Variants in TPCN2 observed in about 807,000 individuals in gnomAD.
TPCN2 encodes two pore channel protein 2.
Under a neutral mutation model 111.4 loss-of-function variants are expected in TPCN2, and 92 were observed. That is an observed-to-expected ratio of 0.83 (90% CI 0.70 to 0.98). The LOEUF (loss-of-function observed/expected upper bound fraction) is 0.98, where lower values mean the gene tolerates loss of function less well. TPCN2 is among the 50% of genes least tolerant of loss of function. The pLI, the probability that TPCN2 is intolerant of heterozygous loss-of-function variation, is 0.00. For synonymous variants in TPCN2, 405 were observed against 414.5 expected (o/e 0.98, Z 0.28); for missense variants, 995 against 980.1 (o/e 1.02, Z -0.20).
intron 1 of TPCN2, 68 bp downstream of exon 1, chr11:69,049,174 T>C: frequency 9.9e-7 from 1 of 1,014,464 alleles, no homozygotes; most frequent in Non-Finnish European, 1.3e-6. Context: ...GGTCCCGCTG[T>C]CCCAGCACCC....
rs773691439 is a variant in TPCN2, at chr11:69,089,063, C to T, written c.*1110C>T. On this transcript the variant is annotated 3_prime_UTR_variant, in exon 25 of 25. Transcript: ENST00000294309. ...GGGTTGCCCCTGCACTGTGCATTCT[C>T]GCCTGGGAGGCACAAGTTCTTTCAT... is the stretch of plus-strand genomic sequence containing the variant. 4.6e-5 allele frequency: 7 copies of T among 152,276 alleles called. No individual in the cohort carries two copies. The highest frequency in any genetic ancestry group is 2.1e-4 in the South Asian group (1 of 4,838). 9.4% of individuals were successfully genotyped at this position (152,276 alleles called of 1,614,324 possible).
At position 69,089,486 on chromosome 11, in the gene TPCN2, C is replaced by T. The variant is rs1856380194; in HGVS notation, c.*1533C>T. On this transcript the variant is annotated 3_prime_UTR_variant, in exon 25 of 25. Coordinates refer to ENST00000294309, the MANE Select transcript of TPCN2 (RefSeq NM_139075.4). ...GCTCCGTCTCCCTGGGCTTAGACGA[C>T]CTTGGCACTTCTGGAGATAAGCCCA... 1 of 152,270 alleles carries T rather than the reference C, an allele frequency of 6.6e-6. No homozygotes were observed. Among genetic ancestry groups the T allele is most frequent in the Non-Finnish European group, 1.5e-5 (1 of 68,068 alleles). The allele number at this position is 152,270 out of a possible 1,614,324, so 9.4% of individuals were successfully genotyped here. A position where few individuals can be genotyped will look rare whatever the true frequency, so the allele number is the denominator to read the frequency against.
chr11:69,079,982 T>C (rs1219122915), intron 17 of TPCN2, 99 bp downstream of exon 17: 3 of 1,146,810 alleles, frequency 2.6e-6, no homozygotes, highest in East Asian at 2.4e-5. Flanking sequence ...CTGGGTCTGC[T>C]CTGACTCTAG....
At chr11:69,084,268 CAG>C (rs1856175246) in intron 19 of TPCN2, among the ~76,000 whole-genome samples, 1 of 152,190 alleles carries the variant, frequency 6.6e-6, no homozygotes, top group African/African-American at 2.4e-5. Context: ...CCTCCCATGG[CAG>C]AGACTGTTTG....
intron 4 of TPCN2, among the ~76,000 whole-genome samples, chr11:69,056,699 A>T (rs1436117495): frequency 1.3e-5 from 2 of 151,272 alleles, no homozygotes; most frequent in Non-Finnish European, 2.9e-5. Context: ...CGCCTGGCTA[A>T]TTTTTTGTAT....
intron 13 of TPCN2, among the ~76,000 whole-genome samples, chr11:69,073,471 C>A (rs574455222): frequency 6.6e-6 from 1 of 152,208 alleles, no homozygotes; most frequent in African/African-American, 2.4e-5. Context: ...GGGGGCAGCA[C>A]GGGGGCTGCC....
chr11:69,072,327 A>G (rs1023547701), intron 11 of TPCN2, among the ~76,000 whole-genome samples: 1 of 152,150 alleles, frequency 6.6e-6, no homozygotes, highest in Non-Finnish European at 1.5e-5. Context: ...CAGCAGAGCC[A>G]GAGGTGCGTG....
intron 19 of TPCN2, chr11:69,084,832 CTG>C (rs2134642093): frequency 4.1e-6 from 4 of 982,714 alleles, no homozygotes; most frequent in African/African-American, 3.5e-5. Context: ...GCAGAGGAAA[CTG>C]AGGCCCAGAA....
intron 1 of TPCN2, among the ~76,000 whole-genome samples, chr11:69,052,600 T>C (rs1869447): frequency 1 from 151,925 of 152,184 alleles, 75,834 homozygotes; most frequent in Middle Eastern, 1. Context: ...CCGGGCAGAG[T>C]GAGGGTGGGG....
chr11:69,067,767 A>G (rs987473687), intron 8 of TPCN2, among the ~76,000 whole-genome samples, 162 bp downstream of exon 8: 2 of 151,546 alleles, frequency 1.3e-5, no homozygotes, highest in African/African-American at 2.4e-5. Flanking sequence ...TTCTTTTCCT[A>G]TCTCTTCTTT....
At chr11:69,083,326 T>A (rs976232771) in intron 18 of TPCN2, 1 of 154,208 alleles carries the variant, frequency 6.5e-6, no homozygotes, top group African/African-American at 2.4e-5. Flanking sequence ...TGCTGACTGG[T>A]CTCCACTGTG....
intron 4 of TPCN2, 61 bp from the exon 5 acceptor site, chr11:69,057,517 C>G (rs1224740595): frequency 6.7e-7 from 1 of 1,496,052 alleles, no homozygotes; most frequent in Non-Finnish European, 9.3e-7. Context: ...CACCGTCATT[C>G]TCTGGCTGCA....
intron 8 of TPCN2, 35 bp from the exon 9 acceptor site, chr11:69,070,395 G>A: frequency 6.5e-7 from 1 of 1,537,718 alleles, no homozygotes; most frequent in Non-Finnish European, 9.0e-7. Context: ...CAGGTACTGA[G>A]GTTGTCAGTT....
At chr11:69,056,782 C>T (rs1017989862) in intron 4 of TPCN2, among the ~76,000 whole-genome samples, 4 of 152,228 alleles carry the variant, frequency 2.6e-5, no homozygotes, top group East Asian at 1.9e-4. Context: ...CTGCCCGCCT[C>T]GGCCTCCCAA....
intron 13 of TPCN2, 133 bp from the exon 14 acceptor site, chr11:69,078,349 G>A: frequency 8.6e-7 from 1 of 1,156,864 alleles, no homozygotes; most frequent in Non-Finnish European, 1.2e-6. Flanking sequence ...ATTATTTCCT[G>A]TGGCTGGATA....
At chr11:69,055,461 C>A in intron 4 of TPCN2, 109 bp downstream of exon 4, 2 of 1,182,988 alleles carry the variant, frequency 1.7e-6, no homozygotes, top group Non-Finnish European at 2.3e-6. Flanking sequence ...TTTCCCCAGA[C>A]TTTGTACTTT....
rs1337922101 is a variant in TPCN2 at position 69,064,311 on chromosome 11, G to A, written c.726+344G>A. Among the ~76,000 whole-genome samples the A allele has an allele frequency of 5.5e-4, 5 of 9,076 alleles. No individual in the cohort carries two copies. The South Asian group carries it at 7.6e-3, about 14-fold the overall frequency. 6.0% of individuals were successfully genotyped at this position (9,076 alleles called of 152,430 possible). A position where few individuals can be genotyped will look rare whatever the true frequency, so the allele number is the denominator to read the frequency against. ...CCCTCCCTATCCCCCGCCCCTCCCC[G>A]CCCTTCCCCGCCAGGCTATTCACTG... On this transcript the variant is annotated intron_variant, in intron 7 of 24. Coordinates refer to ENST00000294309, the MANE Select transcript of TPCN2 (RefSeq NM_139075.4).
Position 69,085,532 on chromosome 11 carries a change from T to G in TPCN2, c.1839-139T>G, listed in dbSNP as rs995282613. ...TCGTGGCCTGCTCAGAGCAGCACTTTCCCTGCCCTCTGAGCCTCTGTATCC... is the reference window on the plus strand; with the variant it reads ...TCGTGGCCTGCTCAGAGCAGCACTTGCCCTGCCCTCTGAGCCTCTGTATCC... On this transcript the variant is annotated intron_variant, in intron 20 of 24. Transcript: ENST00000294309. The G allele has an allele frequency of 8.2e-6, 6 of 729,170 alleles. No homozygotes were observed. The African/African-American group carries it at 1.0e-4, about 13-fold the overall frequency. 45.2% of individuals were successfully genotyped at this position (729,170 alleles called of 1,614,324 possible).
chr11:69,066,683 G>C (rs1855286140), intron 7 of TPCN2, among the ~76,000 whole-genome samples: 2 of 152,338 alleles, frequency 1.3e-5, no homozygotes, highest in African/African-American at 4.8e-5. Context: ...TTGTGGCTTT[G>C]AAACGATCCC....
Sources: gnomAD v4.1 joint callset for allele counts (sites outside exome capture counted in the v4.1 genomes callset) on GRCh38, gnomAD v4.1.1 for gene constraint, MANE v1.5 for transcripts, NCBI Gene and HGNC (gene_info 2026-07-23, HGNC 2026-07-21) for gene names.